TTC27: variants seen among roughly 807,000 people sequenced by gnomAD.
The protein encoded by TTC27 is tetratricopeptide repeat protein 27.
In TTC27, 79 loss-of-function variants were observed where a neutral mutation model predicts 115.9. The observed-to-expected ratio is 0.68, with a 90% confidence interval of 0.57 to 0.82. The LOEUF is 0.82. TTC27 is among the 40% of genes least tolerant of loss of function. The pLI is 0.00. For missense variants in TTC27, 1,054 were observed against 993.1 expected, an observed-to-expected ratio of 1.06 and a Z score of -0.82; for synonymous variants, 401 against 356.0, an observed-to-expected ratio of 1.13 and a Z score of -1.42.
chr2:32,755,026 C>T (rs111670616), intron 12 of TTC27, among the ~76,000 whole-genome samples: 30 of 151,314 alleles, frequency 2.0e-4, no homozygotes, highest in African/African-American at 4.6e-4. Flanking sequence ...TCAGATGGGG[C>T]GGCTGCCGGG....
chr2:32,759,555 C>T (rs1253658195), intron 13 of TTC27, among the ~76,000 whole-genome samples: 1 of 152,036 alleles, frequency 6.6e-6, no homozygotes, highest in African/African-American at 2.4e-5. Context: ...AGTTTGAAAC[C>T]AGCCTGGGCA....
intron 8 of TTC27, among the ~76,000 whole-genome samples, chr2:32,677,052 A>T (rs1001662728): frequency 2.0e-4 from 30 of 151,910 alleles, no homozygotes; most frequent in African/African-American, 7.0e-4. Flanking sequence ...CTTGCCTTTT[A>T]AAAAAAATTT....
intron 16 of TTC27, among the ~76,000 whole-genome samples, chr2:32,808,054 T>G (rs1417263848): frequency 6.8e-6 from 1 of 147,868 alleles, no homozygotes; most frequent in Non-Finnish European, 1.5e-5. Flanking sequence ...TGCCTCAGCC[T>G]CCCAAATAGC....
intron 10 of TTC27, among the ~76,000 whole-genome samples, chr2:32,707,036 G>A (rs1667398181): frequency 6.6e-6 from 1 of 152,164 alleles, no homozygotes; most frequent in African/African-American, 2.4e-5. Flanking sequence ...TGCTGTCCTG[G>A]CACTTTGTCC....
At chr2:32,715,957 G>GTGTTTTGTTTTTTGAAACTA (rs58988781) in intron 10 of TTC27, among the ~76,000 whole-genome samples, 1 of 151,526 alleles carries the variant, frequency 6.6e-6, no homozygotes, top group African/African-American at 2.4e-5. Context: ...GTAGTGAAGT[G>GTGTTTTGTTTTTTGAAACTA]TGTCACTGTT....
At chr2:32,767,675 AT>A (rs1480946467) in intron 13 of TTC27, among the ~76,000 whole-genome samples, 2 of 151,186 alleles carry the variant, frequency 1.3e-5, no homozygotes, top group African/African-American at 4.9e-5. Flanking sequence ...GTTAGCCAGG[AT>A]GGTCTCGATC....
chr2:32,740,505 A>C (rs1290633041), intron 12 of TTC27, among the ~76,000 whole-genome samples: 1 of 151,064 alleles, frequency 6.6e-6, no homozygotes, highest in South Asian at 2.1e-4. Context: ...AGATTTTCCC[A>C]GAAGTTCTTT....
intron 10 of TTC27, among the ~76,000 whole-genome samples, chr2:32,714,139 T>A (rs1457678422): frequency 6.6e-6 from 1 of 150,780 alleles, no homozygotes; most frequent in Non-Finnish European, 1.5e-5. Context: ...ATGGTGTATA[T>A]GCAGCGCACC....
chr2:32,731,183 C>T (rs1025384131), intron 10 of TTC27, among the ~76,000 whole-genome samples: 17 of 152,232 alleles, frequency 1.1e-4, no homozygotes, highest in South Asian at 1.0e-3. Context: ...CAACCTCCGC[C>T]TCCTGGGCTC....
At chr2:32,699,020 G>A (rs1372158546) in intron 9 of TTC27, among the ~76,000 whole-genome samples, 1 of 152,168 alleles carries the variant, frequency 6.6e-6, no homozygotes, top group Non-Finnish European at 1.5e-5. Context: ...GTCACTGTTA[G>A]TTTTCATTTC....
intron 10 of TTC27, among the ~76,000 whole-genome samples, chr2:32,729,115 A>G (rs1002527961): frequency 1.3e-5 from 2 of 152,224 alleles, no homozygotes; most frequent in Non-Finnish European, 2.9e-5. Flanking sequence ...CTGACCCTTC[A>G]AAAAGCCAAT....
intron 2 of TTC27, among the ~76,000 whole-genome samples, chr2:32,631,480 T>C (rs1017565458): frequency 6.6e-6 from 1 of 152,230 alleles, no homozygotes; most frequent in Non-Finnish European, 1.5e-5. Flanking sequence ...TGTGTAATTT[T>C]ATAGGGTTAA....
chr2:32,745,834 G>C (rs1214783243), intron 12 of TTC27, among the ~76,000 whole-genome samples: 1 of 152,092 alleles, frequency 6.6e-6, no homozygotes, highest in Non-Finnish European at 1.5e-5. Flanking sequence ...CTTTCCTTTG[G>C]ATGCTCATCT....
At chr2:32,702,734 A>T in intron 9 of TTC27, 73 bp from the exon 10 acceptor site, 2 of 958,416 alleles carry the variant, frequency 2.1e-6, no homozygotes, top group Non-Finnish European at 3.3e-6. Context: ...GGAAGAATTA[A>T]TTTTGTCCTA....
chr2:32,738,373 C>T (rs184517947), intron 12 of TTC27, among the ~76,000 whole-genome samples: 208 of 152,230 alleles, frequency 1.4e-3, no homozygotes, highest in African/African-American at 4.8e-3. Flanking sequence ...TAGTGCTTAC[C>T]TCATAATGTG....
At chr2:32,641,193 A>G (rs1384791722) in intron 4 of TTC27, among the ~76,000 whole-genome samples, 1 of 152,186 alleles carries the variant, frequency 6.6e-6, no homozygotes, top group Non-Finnish European at 1.5e-5. Flanking sequence ...TGGTTTCTTC[A>G]TATAAACTAG....
intron 1 of TTC27, among the ~76,000 whole-genome samples, chr2:32,628,724 GTAATT>G (rs2063531976): frequency 2.0e-5 from 3 of 150,052 alleles, no homozygotes; most frequent in Admixed American, 1.3e-4. Context: ...GTTGGGTTAA[GTAATT>G]TTATTTTATC....
chr2:32,701,976 A>C (rs1572529349), intron 9 of TTC27, among the ~76,000 whole-genome samples: 1 of 150,142 alleles, frequency 6.7e-6, no homozygotes, highest in African/African-American at 2.5e-5. Flanking sequence ...ATGCCACTGC[A>C]CTCCAGCCTC....
At chr2:32,640,857 C>T (rs1171708145) in intron 4 of TTC27, among the ~76,000 whole-genome samples, 8 of 152,072 alleles carry the variant, frequency 5.3e-5, no homozygotes, top group Admixed American at 5.2e-4. Context: ...TGGCGTGCAC[C>T]TGTAATCCCA....
Sources: allele counts gnomAD v4.1 joint callset (sites outside exome capture counted in the v4.1 genomes callset), GRCh38; gene constraint gnomAD v4.1.1; transcripts MANE v1.5; gene names NCBI Gene and HGNC (gene_info 2026-07-23, HGNC 2026-07-21).